RBBP6: variants seen among roughly 807,000 people sequenced by gnomAD.
RBBP6 encodes the protein E3 ubiquitin-protein ligase RBBP6.
In RBBP6, 25 loss-of-function variants were observed where a neutral mutation model predicts 167.7. That is an observed-to-expected ratio of 0.15 (90% CI 0.11 to 0.21). The LOEUF is 0.21. Among genes scored for constraint, RBBP6 ranks in the 10% least tolerant of loss-of-function variants. The pLI is 1.00. For missense variants in RBBP6, 1,868 were observed against 2,134.2 expected (o/e 0.88, Z 2.46); for synonymous variants, 789 against 735.8 (o/e 1.07, Z -1.17).
intron 7 of RBBP6, 79 bp downstream of exon 7, chr16:24,556,526 CTT>C: frequency 7.0e-7 from 1 of 1,418,956 alleles, no homozygotes; most frequent in Non-Finnish European, 9.4e-7. Flanking sequence ...GGGCTTGTAA[CTT>C]TGCTACTTGG....
Position 24,555,807 on chromosome 16 carries a change from T to A in RBBP6, c.438-14T>A. ...AAGTCCTCGTATACATGTAATTTTT[T>A]TTCCCCCTTTTAGTTACATGAAGAA... On this transcript the variant is annotated splice_polypyrimidine_tract_variant and intron_variant, in intron 5 of 17. Transcript: ENST00000319715. 2 of 1,594,804 alleles carry A rather than the reference T, an allele frequency of 1.3e-6. No homozygotes were observed. The highest frequency in any genetic ancestry group is 1.7e-6 in the Non-Finnish European group (2 of 1,162,602).
rs372023313 is a variant in RBBP6 at position 24,569,380 on chromosome 16, A to G, written c.2690A>G (p.Asn897Ser). 194 of 1,614,036 alleles carry G rather than the reference A, an allele frequency of 1.2e-4. No homozygotes were observed. The highest frequency in any genetic ancestry group is 1.6e-4 in the Non-Finnish European group (185 of 1,180,038). Residue 897 changes from asparagine to serine, a missense_variant, in exon 17 of 18, where the codon AAC becomes AGC. Transcript: ENST00000319715. The part of the protein sequence containing the change: ...QSHRSRNIGS[N>S]YPEKLSARDG... ...CATAGAAGTCGAAACATAGGTAGCA[A>G]CTATCCAGAAAAGCTTTCAGCAAGA... is the stretch of plus-strand genomic sequence containing the variant.
At chr16:24,551,117 C>CT (rs774777345) in intron 3 of RBBP6, among the ~76,000 whole-genome samples, 1 of 151,762 alleles carries the variant, frequency 6.6e-6, no homozygotes, top group Non-Finnish European at 1.5e-5. Flanking sequence ...GTTCTTCTTG[C>CT]TAACTAAATA....
chr16:24,552,721 T>C (rs1285639230), intron 3 of RBBP6, among the ~76,000 whole-genome samples: 1 of 151,836 alleles, frequency 6.6e-6, no homozygotes, highest in Non-Finnish European at 1.5e-5. Flanking sequence ...TGCCCAGTTA[T>C]CTCCCCCTCT....
intron 7 of RBBP6, 45 bp downstream of exon 7, chr16:24,556,492 C>T: frequency 6.4e-7 from 1 of 1,564,366 alleles, no homozygotes; most frequent in Non-Finnish European, 8.7e-7. Flanking sequence ...TCCAGTCAGT[C>T]CCAGGGTATA....
At chr16:24,562,206 T>C in intron 10 of RBBP6, 45 bp downstream of exon 10, 5 of 1,498,522 alleles carry the variant, frequency 3.3e-6, no homozygotes, top group South Asian at 1.2e-5. Flanking sequence ...ATGAGGTCAA[T>C]GATGTAGTGT....
chr16:24,567,585 TC>T, intron 15 of RBBP6, 80 bp downstream of exon 15: 2 of 1,436,684 alleles, frequency 1.4e-6, no homozygotes, highest in Non-Finnish European at 1.9e-6. Flanking sequence ...GGAAACGTTT[TC>T]CAGTGTTTCC....
At chr16:24,562,685 TAAAAAA>T (rs373263162) in intron 10 of RBBP6, among the ~76,000 whole-genome samples, 1 of 135,910 alleles carries the variant, frequency 7.4e-6, no homozygotes, top group African/African-American at 2.7e-5. Flanking sequence ...ATAAATTCTT[TAAAAAA>T]AAAAAAAAAA....
In RBBP6 at chr16:24,571,818, C is replaced by T; in HGVS notation, c.4752C>T (p.Gly1584=). Residue 1584 remains glycine (G), a synonymous_variant, in exon 18 of 18, where the codon GGC becomes GGT. Coordinates refer to ENST00000319715, the MANE Select transcript of RBBP6 (RefSeq NM_006910.5). ...CAAGGAACAATAAAGAGTCAAGTGG[C>T]AATAAACTACTTTATATACTTAACC... The part of the protein sequence containing the change: ...LEARNNKESS[G]NKLLYILNPP... 6.2e-7 allele frequency: 1 copy of T among 1,613,942 alleles called. No individual in the cohort carries two copies. The highest frequency in any genetic ancestry group is 8.5e-7 in the Non-Finnish European group (1 of 1,179,948).
chr16:24,553,593 T>G lies in RBBP6; in HGVS notation c.348+36T>G, dbSNP rs769945550. 2.7e-6 allele frequency: 4 copies of G among 1,475,468 alleles called. No homozygotes were observed. The South Asian group carries it at 5.2e-5, about 19-fold the overall frequency. The allele number at this position is 1,475,468 out of a possible 1,614,324, so 91.4% of individuals were successfully genotyped here. Reference sequence around the variant, plus strand: ...ATATATATTCTTGAAAATATAAGTTTTTTTCTAACATCATATTTTTTTATG... The same window carrying G: ...ATATATATTCTTGAAAATATAAGTTGTTTTCTAACATCATATTTTTTTATG... On this transcript the variant is annotated intron_variant, in intron 4 of 17. Coordinates refer to ENST00000319715, the MANE Select transcript of RBBP6 (RefSeq NM_006910.5).
intron 6 of RBBP6, 111 bp downstream of exon 6, chr16:24,556,028 G>A: frequency 2.8e-6 from 3 of 1,069,318 alleles, no homozygotes; most frequent in Non-Finnish European, 4.1e-6. Context: ...AATGGCAAAT[G>A]AGCATGGTCT....
rs1899002309 is a variant in RBBP6 at position 24,559,763 on chromosome 16, A to G, written c.847+86A>G. Reference sequence around the variant, plus strand: ...GCTCTTCCCAACCTCATATGTTTTAATAATAAAATAAATAATGTTGATGAC... The same window carrying G: ...GCTCTTCCCAACCTCATATGTTTTAGTAATAAAATAAATAATGTTGATGAC... On this transcript the variant is annotated intron_variant, in intron 8 of 17. Transcript: ENST00000319715. 6.8e-6 allele frequency: 8 copies of G among 1,168,774 alleles called. No homozygotes were observed. In the South Asian group the frequency reaches 1.8e-4, roughly 26 times the overall value. 72.4% of individuals were successfully genotyped at this position (1,168,774 alleles called of 1,614,324 possible).
At position 24,561,975 on chromosome 16, in the gene RBBP6, C is replaced by T; in HGVS notation, c.1103C>T (p.Pro368Leu). ...MRSPISRQQDPLMIPVTSSST... is the reference protein window; with the variant it reads ...MRSPISRQQDLLMIPVTSSST... ...TCTCCGATATCAAGACAACAAGATC[C>T]TCTTATGATTCCAGTGACATCTTCA... The change falls in exon 10 of 18, where the codon CCT becomes CTT. Residue 368 changes from proline to leucine, a missense_variant. Physicochemically the swap from Pro to Leu is moderately conservative, Grantham distance 98. Transcript: ENST00000319715. 1 of 1,613,640 alleles carries T rather than the reference C, an allele frequency of 6.2e-7. No homozygotes were observed. The highest frequency in any genetic ancestry group is 1.1e-5 in the South Asian group (1 of 91,046).
chr16:24,563,258 C>T lies in RBBP6; in HGVS notation c.1349C>T (p.Thr450Ile), dbSNP rs771711574. ...AALASEHSKG[T>I]SSIAITALME... ...CTTGCATCAGAGCACTCAAAGGGAA[C>T]CTCCTCAATTGCAATTACCGCTCTT... Residue 450 changes from threonine to isoleucine, a missense_variant, in exon 11 of 18, where the codon ACC (threonine) becomes ATC (isoleucine). Transcript: ENST00000319715. 6.2e-6 allele frequency: 10 copies of T among 1,611,504 alleles called. No individual in the cohort carries two copies. In the South Asian group the frequency reaches 1.1e-4, roughly 18 times the overall value.
chr16:24,561,286 TG>T (rs895168702), intron 8 of RBBP6, among the ~76,000 whole-genome samples: 41 of 151,074 alleles, frequency 2.7e-4, no homozygotes, highest in African/African-American at 9.9e-4. Context: ...GGGGGATCCT[TG>T]CTATTTTGCC....
intron 14 of RBBP6, among the ~76,000 whole-genome samples, chr16:24,565,675 T>C (rs1223302683): frequency 3.3e-5 from 5 of 152,004 alleles, no homozygotes; most frequent in African/African-American, 9.7e-5. Flanking sequence ...CATGGAAAAA[T>C]TGTCTTCCAC....
intron 10 of RBBP6, among the ~76,000 whole-genome samples, chr16:24,562,448 G>A (rs575700168): frequency 7.1e-4 from 108 of 152,300 alleles, no homozygotes; most frequent in Non-Finnish European, 1.2e-3. Flanking sequence ...ACTTAACAGA[G>A]GTGGGAGAAT....
At position 24,571,632 on chromosome 16, in the gene RBBP6, T is replaced by A; in HGVS notation, c.4566T>A (p.Pro1522=). Residue 1522 remains proline, a synonymous_variant, in exon 18 of 18, where the codon CCT becomes CCA. Coordinates refer to ENST00000319715, the MANE Select transcript of RBBP6 (RefSeq NM_006910.5). ...AACCAAGGGAAGAGAGAGATTTGCC[T>A]AAAAAAGGAACAGGAGATTCCAAAA... ...KNKPREERDL[P]KKGTGDSKKS... 6.2e-7 allele frequency: 1 copy of A among 1,611,420 alleles called. No individual in the cohort carries two copies. The highest frequency in any genetic ancestry group is 8.5e-7 in the Non-Finnish European group (1 of 1,179,380).
Position 24,567,422 on chromosome 16 carries a change from T to A in RBBP6, c.1869T>A (p.Ala623=). 10 of 1,614,164 alleles carry A rather than the reference T, an allele frequency of 6.2e-6. No individual in the cohort carries two copies. Among genetic ancestry groups the A allele is most frequent in the Non-Finnish European group, 8.5e-6 (10 of 1,180,010 alleles). Residue 623 remains alanine, a synonymous_variant, in exon 15 of 18, where the codon GCT becomes GCA. Transcript: ENST00000319715. ...TPWVSSGVQT[A]HSNTIPTTQA... ...GGGTATCATCAGGAGTGCAGACAGC[T>A]CATTCAAATACCATCCCAACAACAC...
Sources: gnomAD v4.1 joint callset for allele counts (sites outside exome capture counted in the v4.1 genomes callset) on GRCh38, gnomAD v4.1.1 for gene constraint, MANE v1.5 for transcripts, NCBI Gene and HGNC (gene_info 2026-07-23, HGNC 2026-07-21) for gene names.